WNK2: variants seen among roughly 807,000 people sequenced by gnomAD.
WNK2 encodes serine/threonine-protein kinase WNK2.
In WNK2, 67 loss-of-function variants were observed where a neutral mutation model predicts 192.1. The observed-to-expected ratio is 0.35, with a 90% CI of 0.29 to 0.43. The LOEUF (loss-of-function observed/expected upper bound fraction) is 0.43. Ranked by LOEUF, WNK2 falls within the 20% of genes least tolerant of loss-of-function variation. WNK2 has a pLI of 1.00. For synonymous variants in WNK2, 1,439 were observed against 1,393.9 expected (o/e 1.03, Z -0.72); for missense variants, 2,698 against 3,089.7 (o/e 0.87, Z 3.01).
chr9:93,208,749 G>GCA (rs1833912502), intron 2 of WNK2, among the ~76,000 whole-genome samples: 67 of 20,948 alleles, frequency 3.2e-3, no homozygotes, highest in Middle Eastern at 0.017. Context: ...GTGTTCATGT[G>GCA]TGTGCGCATG....
intron 5 of WNK2, 32 bp from the exon 6 acceptor site, chr9:93,238,201 C>A: frequency 6.2e-7 from 1 of 1,607,518 alleles, no homozygotes; most frequent in Non-Finnish European, 8.5e-7. Context: ...GGCAGCCGAT[C>A]GGGTCAGGTA....
At chr9:93,188,621 T>C (rs1829774204) in intron 2 of WNK2, among the ~76,000 whole-genome samples, 1 of 152,216 alleles carries the variant, frequency 6.6e-6, no homozygotes, top group Non-Finnish European at 1.5e-5. Flanking sequence ...GCCTTCCTCC[T>C]TGCCCACATG....
chr9:93,224,442 A>G (rs542969970), intron 2 of WNK2, among the ~76,000 whole-genome samples: 1 of 148,366 alleles, frequency 6.7e-6, no homozygotes, highest in Admixed American at 6.7e-5. Flanking sequence ...ATCGAAGGCA[A>G]CCCCTGATGT....
intron 2 of WNK2, among the ~76,000 whole-genome samples, chr9:93,208,123 T>C (rs1438362536): frequency 5.3e-5 from 8 of 152,240 alleles, no homozygotes; most frequent in Admixed American, 4.6e-4. Context: ...ATCTCAGTTT[T>C]GGTTGGTTTC....
rs751676447 is a variant in WNK2, at chr9:93,261,933, C to G, written c.3186C>G (p.Ala1062=). ...TGCCGGAAGTGCTGCTGCCTGCCGC[C>G]CCTGAGCTCCTGCCTCAGTTCCCCA... is the stretch of plus-strand genomic sequence containing the variant. ...PPLPEVLLPA[A]PELLPQFPSS... Residue 1062 remains alanine (A), a synonymous_variant, in exon 13 of 30, where the codon GCC becomes GCG. Coordinates refer to ENST00000427277, the MANE Select transcript of WNK2 (RefSeq NM_006648.4). 8.1e-6 allele frequency: 13 copies of G among 1,610,184 alleles called. No homozygotes were observed. Among genetic ancestry groups the G allele is most frequent in the Non-Finnish European group, 1.1e-5 (13 of 1,179,758 alleles).
rs112441387 is a variant in WNK2, at chr9:93,190,707, G to A, written c.681+5097G>A. ...CATTTGTGTCCACAGGCCCTGCGGAGTGCCTGGGATGTGGCTGGGGCAGCT... is the reference window on the plus strand; with the variant it reads ...CATTTGTGTCCACAGGCCCTGCGGAATGCCTGGGATGTGGCTGGGGCAGCT... On this transcript the variant is annotated intron_variant, in intron 2 of 29. Coordinates refer to ENST00000427277, the MANE Select transcript of WNK2 (RefSeq NM_006648.4). Among the ~76,000 whole-genome samples the A allele has an allele frequency of 3.1e-4, 47 of 152,392 alleles. 1 individual carries two copies. Among genetic ancestry groups the A allele is most frequent in the African/African-American group, 1.1e-3 (45 of 41,592 alleles).
chr9:93,253,818 A>G (rs1842915940), intron 9 of WNK2, among the ~76,000 whole-genome samples: 1 of 152,186 alleles, frequency 6.6e-6, no homozygotes, highest in South Asian at 2.1e-4. Context: ...ACACTTTAGA[A>G]AGCAAAACAA....
chr9:93,188,240 T>TG (rs1199367279), intron 2 of WNK2, among the ~76,000 whole-genome samples: 1 of 152,146 alleles, frequency 6.6e-6, no homozygotes, highest in Non-Finnish European at 1.5e-5. Flanking sequence ...CTCCACAGGC[T>TG]GGGGGGCCTC....
rs768532688 is a variant in WNK2 at position 93,289,087 on chromosome 9, G to T, written c.4333G>T (p.Ala1445Ser). 4.1e-5 allele frequency: 66 copies of T among 1,608,206 alleles called. No homozygotes were observed. Among genetic ancestry groups the T allele is most frequent in the Non-Finnish European group, 5.3e-5 (62 of 1,177,808 alleles). Reference sequence around the variant, plus strand: ...AGCGGAGACTCACGAGGCCCCGCTTGCTGTGCAGCCCCTCGTGGTGGGCCT... The same window carrying T: ...AGCGGAGACTCACGAGGCCCCGCTTTCTGTGCAGCCCCTCGTGGTGGGCCT... ...PLAETHEAPLAVQPLVVGLAP... is the reference protein window; with the variant it reads ...PLAETHEAPLSVQPLVVGLAP... Residue 1445 changes from alanine to serine, a missense_variant, in exon 20 of 30, where the codon GCT becomes TCT. This residue lies in a region of WNK2 where 1,098 missense variants were observed against 1,101.0 expected (regional missense o/e 1.00). Coordinates refer to ENST00000427277, the MANE Select transcript of WNK2 (RefSeq NM_006648.4).
At chr9:93,199,947 G>C (rs2131221175) in intron 2 of WNK2, among the ~76,000 whole-genome samples, 1 of 152,018 alleles carries the variant, frequency 6.6e-6, no homozygotes, top group Admixed American at 6.6e-5. Flanking sequence ...CTAGGATGGG[G>C]GGGCAGCGGT....
chr9:93,185,442 CGAGCCCGAAGAG>C lies in WNK2; in HGVS notation c.517_528del (p.Pro173_Glu176del), dbSNP rs1273965111. 2 of 1,612,038 alleles carry C rather than the reference CGAGCCCGAAGAG, an allele frequency of 1.2e-6. No individual in the cohort carries two copies. Among genetic ancestry groups the C allele is most frequent in the African/African-American group, 1.3e-5 (1 of 74,922 alleles). On this transcript the variant is annotated inframe_deletion, in exon 2 of 30. Coordinates refer to ENST00000427277, the MANE Select transcript of WNK2 (RefSeq NM_006648.4). The stretch of plus-strand genomic sequence containing the variant: ...CTGAGCCCGGGCGCACTCGCCGGGA[CGAGCCCGAAGAG>C]GAGGAGGACGACGAGGACGACCTCA...
In WNK2 at chr9:93,259,408, C is replaced by A; in HGVS notation, c.2860C>A (p.Pro954Thr). Residue 954 changes from proline to threonine, a missense_variant, in exon 12 of 30, where the codon CCC becomes ACC. Physicochemically the swap from Pro to Thr is conservative, Grantham distance 38 (BLOSUM62 -1). Transcript: ENST00000427277. The surrounding 1 kb of genome is among the most constrained non-coding windows in gnomAD (Gnocchi z 4.8). ...LPPQPTLPPQ[P>T]VLPPQPTLPP... ...TCCACAACCCACACTGCCCCCACAA[C>A]CCGTGCTGCCCCCGCAACCCACGCT... 6.3e-7 allele frequency: 1 copy of A among 1,579,612 alleles called. No individual in the cohort carries two copies.
intron 29 of WNK2, chr9:93,317,835 C>A: frequency 6.6e-7 from 1 of 1,507,496 alleles, no homozygotes; most frequent in African/African-American, 1.4e-5. Context: ...TGGCCCCCGG[C>A]TGCGGATCAC....
intron 2 of WNK2, 97 bp downstream of exon 2, chr9:93,185,707 C>T (rs1447297731): frequency 7.0e-6 from 10 of 1,423,200 alleles, no homozygotes; most frequent in Non-Finnish European, 9.5e-6. Context: ...CTTAAGAAGC[C>T]CTGGGGGCGG....
chr9:93,311,617 G>GTGTGTGTGTGTGTA (rs1853667360), intron 28 of WNK2, among the ~76,000 whole-genome samples: 1 of 149,166 alleles, frequency 6.7e-6, no homozygotes. Context: ...TTTTGTTTGT[G>GTGTGTGTGTGTGTA]TGTGTGTGTG....
chr9:93,195,364 A>C (rs945266297), intron 2 of WNK2, among the ~76,000 whole-genome samples: 1 of 152,152 alleles, frequency 6.6e-6, no homozygotes, highest in East Asian at 1.9e-4. Context: ...CTCTAAAAAT[A>C]GTTGATTAAT....
chr9:93,297,942 A>T lies in WNK2; in HGVS notation c.5798A>T (p.Asn1933Ile). 1 of 1,587,668 alleles carries T rather than the reference A, an allele frequency of 6.3e-7. No homozygotes were observed. The highest frequency in any genetic ancestry group is 8.6e-7 in the Non-Finnish European group (1 of 1,168,222). Residue 1933 changes from asparagine to isoleucine, a missense_variant, in exon 24 of 30, where the codon AAC becomes ATC. By Grantham distance (149) the Asn-to-Ile change is moderately radical. Coordinates refer to ENST00000427277, the MANE Select transcript of WNK2 (RefSeq NM_006648.4). ...YRRLGKPLPP[N>I]VGFFHTAPPT... ...CGCCTGGGCAAGCCACTGCCCCCCA[A>T]CGTGGGCTTCTTCCACACGGCACCC...
In WNK2 at chr9:93,184,981, G is replaced by A; in HGVS notation, c.52G>A (p.Gly18Arg). ...RDVPGTLMEP[G>R]RGAGPAGMAE... ...CGTCCCCGGCACGCTGATGGAGCCC[G>A]GGCGCGGCGCGGGGCCCGCGGGCAT... The change falls in exon 2 of 30, where the codon GGG (glycine) becomes AGG (arginine). Residue 18 changes from glycine (G) to arginine (R), a missense_variant. By Grantham distance (125) the Gly-to-Arg change is moderately radical (BLOSUM62 -2). Transcript: ENST00000427277. 1 of 1,240,416 alleles carries A rather than the reference G, an allele frequency of 8.1e-7. No homozygotes were observed. Among genetic ancestry groups the A allele is most frequent in the Non-Finnish European group, 1.0e-6 (1 of 996,116 alleles). The allele number at this position is 1,240,416 out of a possible 1,614,324, so 76.8% of individuals were successfully genotyped here.
rs1332354710 is a variant in WNK2 at position 93,288,863 on chromosome 9, A to G, written c.4109A>G (p.Gln1370Arg). 4 of 1,611,992 alleles carry G rather than the reference A, an allele frequency of 2.5e-6. No individual in the cohort carries two copies. Among genetic ancestry groups the G allele is most frequent in the Non-Finnish European group, 3.4e-6 (4 of 1,179,614 alleles). ...SFLASQQLLS[Q>R]AGPSNPPGAP... Reference sequence around the variant, plus strand: ...CTAGCCAGTCAGCAGCTCCTGAGCCAGGCGGGCCCCAGCAACCCTCCTGGG... The same window carrying G: ...CTAGCCAGTCAGCAGCTCCTGAGCCGGGCGGGCCCCAGCAACCCTCCTGGG... The change falls in exon 20 of 30, where the codon CAG (glutamine) becomes CGG (arginine). Residue 1370 changes from glutamine to arginine, a missense_variant. By Grantham distance (43) the Gln-to-Arg change is conservative. This residue lies in a region of WNK2 where 1,098 missense variants were observed against 1,101.0 expected (regional missense o/e 1.00). Coordinates refer to ENST00000427277, the MANE Select transcript of WNK2 (RefSeq NM_006648.4).
Sources: allele counts gnomAD v4.1 joint callset (sites outside exome capture counted in the v4.1 genomes callset), GRCh38; gene constraint gnomAD v4.1.1; regional missense constraint gnomAD v4.1.1; non-coding constraint Gnocchi (gnomAD v3.1); transcripts MANE v1.5; gene names NCBI Gene and HGNC (gene_info 2026-07-23, HGNC 2026-07-21).